KCMF1: variants seen among roughly 807,000 people sequenced by gnomAD.
KCMF1 encodes the protein potassium channel modulatory factor 1.
A neutral mutation model predicts 41.1 loss-of-function variants in KCMF1; 3 were observed. The ratio of observed to expected loss-of-function variants is 0.07; its 90% CI spans 0.03 to 0.19. The LOEUF is 0.19. Ranked by LOEUF, KCMF1 falls within the 10% of genes least tolerant of loss-of-function variation. KCMF1 has a pLI of 1.00. For synonymous variants in KCMF1, 142 were observed against 164.5 expected (o/e 0.86, Z 1.04); for missense variants, 286 against 488.9 (o/e 0.58, Z 3.91).
intron 3 of KCMF1, among the ~76,000 whole-genome samples, chr2:85,037,931 G>T (rs776237760): frequency 1.3e-5 from 2 of 152,152 alleles, no homozygotes; most frequent in Admixed American, 1.3e-4. Context: ...TCACAGGAGC[G>T]CAATCCCTTT....
At chr2:84,992,060 C>A (rs1674052218) in intron 1 of KCMF1, among the ~76,000 whole-genome samples, 1 of 152,120 alleles carries the variant, frequency 6.6e-6, no homozygotes, top group Admixed American at 6.6e-5. Context: ...AGGAATGGAA[C>A]TTTGGAGCCA....
At chr2:85,026,459 TTTA>T (rs35093562) in intron 1 of KCMF1, among the ~76,000 whole-genome samples, 1,950 of 139,312 alleles carry the variant, frequency 0.014, 51 homozygotes, top group East Asian at 0.096. Context: ...CTTTCTTTCC[TTTA>T]TTATTATTAT....
chr2:84,986,540 T>G (rs1673905000), intron 1 of KCMF1, among the ~76,000 whole-genome samples: 1 of 152,058 alleles, frequency 6.6e-6, no homozygotes, highest in Non-Finnish European at 1.5e-5. Flanking sequence ...CCAGAGTTTC[T>G]GGAACAGAAG....
chr2:84,987,204 T>G (rs567796483), intron 1 of KCMF1, among the ~76,000 whole-genome samples: 1 of 152,364 alleles, frequency 6.6e-6, no homozygotes, highest in Admixed American at 6.5e-5. Context: ...GTCAGTCTTG[T>G]TCTTTTCCCA....
intron 1 of KCMF1, among the ~76,000 whole-genome samples, chr2:85,000,105 A>G (rs1246527976): frequency 1.3e-5 from 2 of 152,148 alleles, no homozygotes; most frequent in East Asian, 3.8e-4. Context: ...ATTTCTACCT[A>G]TTGTGTCATA....
intron 1 of KCMF1, among the ~76,000 whole-genome samples, chr2:84,981,589 A>G (rs1334410291): frequency 1.3e-5 from 2 of 152,094 alleles, no homozygotes; most frequent in East Asian, 3.8e-4. Context: ...TTTCATTAGG[A>G]GAGTCACTTT....
At chr2:85,039,376 A>G (rs1481173181) in intron 3 of KCMF1, among the ~76,000 whole-genome samples, 2 of 152,160 alleles carry the variant, frequency 1.3e-5, no homozygotes, top group South Asian at 2.1e-4. Flanking sequence ...AGGAAATCCA[A>G]ACTTGCTTTA....
rs192405587 is a variant in KCMF1, at chr2:84,979,068, G to A, written c.16+7601G>A. On this transcript the variant is annotated intron_variant, in intron 1 of 6. Coordinates refer to ENST00000409785, the MANE Select transcript of KCMF1 (RefSeq NM_020122.5). ...TCACCATATTGGCCAGGCTCGTCTC[G>A]AACTCCTGACCTCAAGTGATTCCCC... 5.7e-3 allele frequency among the ~76,000 whole-genome samples: 861 copies of A among 151,854 alleles called. 9 individuals are homozygous for A. The highest frequency in any genetic ancestry group is 0.019 in the African/African-American group (805 of 41,402).
intron 1 of KCMF1, among the ~76,000 whole-genome samples, chr2:84,979,488 A>C (rs1396861341): frequency 6.7e-6 from 1 of 148,984 alleles, no homozygotes; most frequent in Non-Finnish European, 1.5e-5. Flanking sequence ...CACCCATTGC[A>C]CTCCAGCCTG....
Position 85,059,127 on chromosome 2 carries a change from C to G in KCMF1, c.*5718C>G, listed in dbSNP as rs1475791433. 2.0e-5 allele frequency: 3 copies of G among 152,116 alleles called. No homozygotes were observed. In the East Asian group the frequency reaches 5.8e-4, roughly 29 times the overall value. 9.4% of individuals were successfully genotyped at this position (152,116 alleles called of 1,614,324 possible). A position where few individuals can be genotyped will look rare whatever the true frequency, so the allele number is the denominator to read the frequency against. On this transcript the variant is annotated 3_prime_UTR_variant, in exon 7 of 7. Coordinates refer to ENST00000409785, the MANE Select transcript of KCMF1 (RefSeq NM_020122.5). ...CCCCTAGTCATGAAAGCTATTCTGGCCAGCCTTGAATCCATTTAATTTTGC... is the reference window on the plus strand; with the variant it reads ...CCCCTAGTCATGAAAGCTATTCTGGGCAGCCTTGAATCCATTTAATTTTGC...
chr2:85,014,709 G>A (rs939707609), intron 1 of KCMF1, among the ~76,000 whole-genome samples: 2 of 127,986 alleles, frequency 1.6e-5, no homozygotes, highest in South Asian at 4.5e-4. Flanking sequence ...TGGCGCGCGC[G>A]TGCGTGCGTG....
intron 1 of KCMF1, among the ~76,000 whole-genome samples, chr2:84,998,809 A>T (rs1426034917): frequency 2.0e-5 from 3 of 148,888 alleles, no homozygotes; most frequent in Non-Finnish European, 4.5e-5. Context: ...ACAGGGTTTC[A>T]CCATGTTGGT....
rs528454640 is a variant in KCMF1, at chr2:85,059,084, G to A, written c.*5675G>A. ...GCCACTGTCGCTAGGGACTGAAGGA[G>A]AGTTCATGGATTCTTACCCCCTAGT... On this transcript the variant is annotated 3_prime_UTR_variant, in exon 7 of 7. Coordinates refer to ENST00000409785, the MANE Select transcript of KCMF1 (RefSeq NM_020122.5). 4.6e-5 allele frequency: 7 copies of A among 152,266 alleles called. 1 individual carries two copies. The South Asian group carries it at 1.5e-3, about 32-fold the overall frequency. The allele number at this position is 152,266 out of a possible 1,614,324, so 9.4% of individuals were successfully genotyped here.
At chr2:84,972,103 C>T (rs927821972) in intron 1 of KCMF1, 6 of 152,216 alleles carry the variant, frequency 3.9e-5, no homozygotes, top group Admixed American at 6.5e-5. Context: ...AACCAAGTTC[C>T]CGGGGTGGAT....
At chr2:85,022,247 A>G (rs1489489500) in intron 1 of KCMF1, among the ~76,000 whole-genome samples, 1 of 152,140 alleles carries the variant, frequency 6.6e-6, no homozygotes, top group African/African-American at 2.4e-5. Context: ...TGACACAGGC[A>G]GATTGCTTGA....
chr2:84,976,702 T>G lies in KCMF1; in HGVS notation c.16+5235T>G, dbSNP rs192831732. On this transcript the variant is annotated intron_variant, in intron 1 of 6. Transcript: ENST00000409785. ...TTATCTTTATCTGATTTATAATTTC[T>G]CTAGCTTTTTGAAGATTTTCACATG... 5.8e-4 allele frequency among the ~76,000 whole-genome samples: 88 copies of G among 152,076 alleles called. 1 individual carries two copies. Among genetic ancestry groups the G allele is most frequent in the Admixed American group, 5.8e-3 (88 of 15,270 alleles).
intron 4 of KCMF1, 75 bp from the exon 5 acceptor site, chr2:85,046,029 C>T: frequency 8.4e-7 from 1 of 1,187,790 alleles, no homozygotes; most frequent in Middle Eastern, 2.1e-4. Context: ...ATCTTTACAT[C>T]TGTCTAGCAA....
At chr2:85,018,564 C>G (rs1284275981) in intron 1 of KCMF1, among the ~76,000 whole-genome samples, 1 of 152,018 alleles carries the variant, frequency 6.6e-6, no homozygotes, top group East Asian at 1.9e-4. Context: ...GCCACTGCAC[C>G]CAGCCATGAC....
chr2:85,029,315 C>CT (rs1172568121), intron 2 of KCMF1, among the ~76,000 whole-genome samples: 1 of 151,984 alleles, frequency 6.6e-6, no homozygotes, highest in Non-Finnish European at 1.5e-5. Flanking sequence ...GTTATGGTGG[C>CT]TAACGCCTGT....
Sources: gnomAD v4.1 joint callset for allele counts (sites outside exome capture counted in the v4.1 genomes callset) on GRCh38, gnomAD v4.1.1 for gene constraint, MANE v1.5 for transcripts, NCBI Gene and HGNC (gene_info 2026-07-23, HGNC 2026-07-21) for gene names.